FRMPD4: variants seen among roughly 807,000 people sequenced by gnomAD.
FRMPD4 encodes the protein FERM and PDZ domain-containing protein 4.
A neutral mutation model predicts 94.1 loss-of-function variants in FRMPD4; 22 were observed. That is an observed-to-expected ratio of 0.23 (90% confidence interval 0.17 to 0.33). The LOEUF (loss-of-function observed/expected upper bound fraction) is 0.33. Ranked by LOEUF, FRMPD4 falls within the 10% of genes least tolerant of loss-of-function variation. The probability of loss-of-function intolerance (pLI) is 1.00; values close to 1 mark genes in which losing one functional copy is unlikely to be tolerated. For missense variants in FRMPD4, 1,111 were observed against 1,339.9 expected (o/e 0.83, Z 2.67); for synonymous variants, 631 against 548.6 (o/e 1.15, Z -2.10).
At chrX:12,065,521 T>G (rs184093351) in intron 3 of FRMPD4, among the ~76,000 whole-genome samples, 126 of 111,917 alleles carry the variant, frequency 1.1e-3, no homozygotes, top group South Asian at 2.7e-3. Flanking sequence ...GATGGCTATA[T>G]TCCTCCTTCC....
chrX:11,893,595 C>T (rs893807317), intron 3 of FRMPD4, among the ~76,000 whole-genome samples: 2 of 111,960 alleles, frequency 1.8e-5, no homozygotes, highest in African/African-American at 6.5e-5. Context: ...TGAACGAGCA[C>T]TTTATATAAG....
chrX:12,707,660 C>T lies in FRMPD4; in HGVS notation c.1470+9C>T, dbSNP rs7877197. On this transcript the variant is annotated intron_variant, in intron 13 of 16. Transcript: ENST00000675598. ...ACGTGCTAGATGTGAAGGCAAGTTT[C>T]TCAGGTGTTGACACATGGCCTTGCT... 11,851 of 1,177,105 alleles carry T rather than the reference C, an allele frequency of 0.01. 752 individuals are homozygous for T. The African/African-American group carries it at 0.18, about 18-fold the overall frequency.
rs4645720 is a variant in FRMPD4 at position 11,845,033 on chromosome X, G to A, written c.-160-20053G>A. On this transcript the variant is annotated intron_variant, in intron 1 of 18. Coordinates refer to the FRMPD4 transcript ENST00000640291. ...TAATTTCTTACACTTTTCAATGTCAGAATTTCCATCTGGATATAATGATTA... is the reference window on the plus strand; with the variant it reads ...TAATTTCTTACACTTTTCAATGTCAAAATTTCCATCTGGATATAATGATTA... Among the ~76,000 whole-genome samples the A allele has an allele frequency of 3.6e-5, 4 of 112,050 alleles. No homozygotes were observed. The Admixed American group carries it at 3.8e-4, about 11-fold the overall frequency.
chrX:11,941,914 A>C (rs1361689043), intron 3 of FRMPD4, among the ~76,000 whole-genome samples: 2 of 111,712 alleles, frequency 1.8e-5, no homozygotes, highest in African/African-American at 6.5e-5. Context: ...GTCAGTTGTC[A>C]CTCGTCAGTT....
chrX:11,927,908 C>A (rs369218975), intron 3 of FRMPD4, among the ~76,000 whole-genome samples: 1 of 111,557 alleles, frequency 9.0e-6, no homozygotes, highest in Non-Finnish European at 1.9e-5. Flanking sequence ...ACAAATGGGA[C>A]CTAATTAAAC....
In FRMPD4 at chrX:12,384,522, G is replaced by GA. The variant is rs201961737; in HGVS notation, c.42-114148dup. On this transcript the variant is annotated intron_variant, in intron 1 of 16. Coordinates refer to ENST00000675598, the MANE Select transcript of FRMPD4 (RefSeq NM_001368397.1). ...GACAGAGCAAGACCTTGTCTCAAAAGAAAAAAAAAAGACTTACAATAATGG... is the reference window on the plus strand; with the variant it reads ...GACAGAGCAAGACCTTGTCTCAAAAGAAAAAAAAAAAGACTTACAATAATGG... 3.4e-4 allele frequency among the ~76,000 whole-genome samples: 35 copies of GA among 104,360 alleles called. No homozygotes were observed. In the South Asian group the frequency reaches 9.7e-3, roughly 29 times the overall value. The allele number at this position is 104,360 out of a possible 115,157, so 90.6% of individuals were successfully genotyped here. A position where few individuals can be genotyped will look rare whatever the true frequency, so the allele number is the denominator to read the frequency against.
chrX:11,985,556 T>A (rs2054424703), intron 3 of FRMPD4, among the ~76,000 whole-genome samples: 1 of 112,018 alleles, frequency 8.9e-6, no homozygotes, highest in African/African-American at 3.2e-5. Context: ...GTAACATAGG[T>A]ACCAGGCGCT....
intron 1 of FRMPD4, among the ~76,000 whole-genome samples, chrX:11,853,999 T>C (rs2053640244): frequency 8.9e-6 from 1 of 111,989 alleles, no homozygotes; most frequent in African/African-American, 3.2e-5. Flanking sequence ...TATGAAGAAA[T>C]ACCTGAGACC....
intron 3 of FRMPD4, among the ~76,000 whole-genome samples, chrX:11,890,440 C>G (rs192889936): frequency 8.9e-6 from 1 of 112,147 alleles, no homozygotes; most frequent in Admixed American, 9.4e-5. Context: ...GCAACTGAGA[C>G]AGAAGACCTA....
intron 1 of FRMPD4, among the ~76,000 whole-genome samples, chrX:12,452,351 TTTTG>T (rs2057282656): frequency 8.9e-6 from 1 of 112,350 alleles, no homozygotes; most frequent in African/African-American, 3.2e-5. Flanking sequence ...ATGGAATAAC[TTTTG>T]TTTAATATCT....
chrX:12,282,240 G>A (rs2054536809), intron 1 of FRMPD4, among the ~76,000 whole-genome samples: 2 of 111,959 alleles, frequency 1.8e-5, no homozygotes, highest in South Asian at 7.5e-4. Context: ...GGGCCCGCAG[G>A]CAGTCACGGA....
chrX:11,858,684 TGTACCC>T (rs2053667540), intron 1 of FRMPD4, among the ~76,000 whole-genome samples: 1 of 111,287 alleles, frequency 9.0e-6, no homozygotes, highest in Non-Finnish European at 1.9e-5. Flanking sequence ...AACCTACACT[TGTACCC>T]CTGAACTTAA....
At chrX:12,375,732 G>C (rs2056228204) in intron 1 of FRMPD4, among the ~76,000 whole-genome samples, 1 of 111,853 alleles carries the variant, frequency 8.9e-6, no homozygotes, top group Non-Finnish European at 1.9e-5. Context: ...GGTCATCGGG[G>C]GCCTAAGTTG....
chrX:12,284,957 A>C (rs2054579802), intron 1 of FRMPD4, among the ~76,000 whole-genome samples: 1 of 112,031 alleles, frequency 8.9e-6, no homozygotes, highest in Non-Finnish European at 1.9e-5. Flanking sequence ...ACGTGAGCTA[A>C]TTTATGTAAA....
At chrX:12,030,785 A>G (rs1378754129) in intron 3 of FRMPD4, among the ~76,000 whole-genome samples, 1 of 111,880 alleles carries the variant, frequency 8.9e-6, no homozygotes, top group Admixed American at 9.5e-5. Context: ...AAACAAAGCA[A>G]TAGGATGAGG....
chrX:11,832,488 A>C (rs188738693), intron 1 of FRMPD4, among the ~76,000 whole-genome samples: 57 of 111,471 alleles, frequency 5.1e-4, no homozygotes, highest in African/African-American at 1.8e-3. Context: ...CATCCATTGG[A>C]TGACCTTTAA....
intron 1 of FRMPD4, among the ~76,000 whole-genome samples, chrX:12,387,494 G>A (rs779198988): frequency 5.4e-5 from 6 of 111,819 alleles, no homozygotes; most frequent in Non-Finnish European, 9.4e-5. Context: ...AAGTTATGTC[G>A]ATGAACAAAG....
intron 1 of FRMPD4, among the ~76,000 whole-genome samples, chrX:11,839,938 T>C (rs2053524324): frequency 8.9e-6 from 1 of 111,868 alleles, no homozygotes; most frequent in Non-Finnish European, 1.9e-5. Flanking sequence ...TCTATTGGTC[T>C]ATATACCTAT....
At chrX:12,720,491 A>T in intron 16 of FRMPD4, 43 bp from the exon 17 acceptor site, 1 of 1,185,793 alleles carries the variant, frequency 8.4e-7, no homozygotes, top group Non-Finnish European at 1.1e-6. Flanking sequence ...CTCCCAGGAG[A>T]TGCTTAATGA....
Sources: gnomAD v4.1 joint callset for allele counts (sites outside exome capture counted in the v4.1 genomes callset) on GRCh38, gnomAD v4.1.1 for gene constraint, MANE v1.5 for transcripts, NCBI Gene and HGNC (gene_info 2026-07-23, HGNC 2026-07-21) for gene names.